Variants in TNFAIP8 observed in about 807,000 individuals in gnomAD.
TNFAIP8 encodes tumor necrosis factor alpha-induced protein 8.
A neutral mutation model predicts 13.3 loss-of-function variants in TNFAIP8; 7 were observed. The observed-to-expected ratio is 0.52, with a 90% confidence interval of 0.30 to 0.99. The LOEUF (loss-of-function observed/expected upper bound fraction) is 0.99. TNFAIP8 is among the 50% of genes least tolerant of loss of function. The pLI is 0.07. For synonymous variants in TNFAIP8, 94 were observed against 87.6 expected, an observed-to-expected ratio of 1.07 and a Z score of -0.41; for missense variants, 258 against 236.9, an observed-to-expected ratio of 1.09 and a Z score of -0.58.
intron 1 of TNFAIP8, among the ~76,000 whole-genome samples, chr5:119,322,364 G>A (rs906586222): frequency 1.2e-4 from 18 of 152,206 alleles, no homozygotes; most frequent in African/African-American, 4.1e-4. Context: ...CAGGACCTTG[G>A]CCCCTTTTCC....
At chr5:119,329,400 A>C (rs896054617) in intron 1 of TNFAIP8, among the ~76,000 whole-genome samples, 1 of 152,168 alleles carries the variant, frequency 6.6e-6, no homozygotes. Context: ...GTGATGACAG[A>C]CCTGAGCAGT....
intron 1 of TNFAIP8, among the ~76,000 whole-genome samples, chr5:119,328,886 C>T (rs1295262935): frequency 6.6e-6 from 1 of 152,164 alleles, no homozygotes; most frequent in Non-Finnish European, 1.5e-5. Context: ...AATGTCAGGC[C>T]TCTGTTTATA....
intron 1 of TNFAIP8, among the ~76,000 whole-genome samples, chr5:119,339,345 A>G (rs781266526): frequency 6.6e-6 from 1 of 151,344 alleles, no homozygotes; most frequent in Non-Finnish European, 1.5e-5. Context: ...GCAAGGGGGT[A>G]TGGGATTTCT....
intron 1 of TNFAIP8, among the ~76,000 whole-genome samples, chr5:119,274,698 C>T (rs534411115): frequency 7.9e-5 from 12 of 152,348 alleles, no homozygotes; most frequent in Admixed American, 6.5e-4. Flanking sequence ...CAAGGATTCC[C>T]TGCCCTGTGT....
chr5:119,341,581 T>C lies in TNFAIP8; in HGVS notation c.2-51235T>C, dbSNP rs188179522. ...TGTGAGCCTTTTATAGTTTCATTTA[T>C]ATACTTGATTTCAGCTTTTGCCTTA... On this transcript the variant is annotated intron_variant, in intron 1 of 1. Transcript: ENST00000274456. 1.6e-4 allele frequency among the ~76,000 whole-genome samples: 25 copies of C among 152,364 alleles called. 1 individual carries two copies. The highest frequency in any genetic ancestry group is 1.4e-3 in the Admixed American group (22 of 15,312).
At chr5:119,361,062 G>T (rs1311197788) in intron 1 of TNFAIP8, among the ~76,000 whole-genome samples, 1 of 152,174 alleles carries the variant, frequency 6.6e-6, no homozygotes, top group Non-Finnish European at 1.5e-5. Flanking sequence ...TGGGGAGAAG[G>T]TATGTATGTG....
At chr5:119,295,221 C>CCA (rs1561987419) in intron 1 of TNFAIP8, among the ~76,000 whole-genome samples, 9 of 48,726 alleles carry the variant, frequency 1.8e-4, no homozygotes, top group African/African-American at 1.4e-3. Flanking sequence ...AACGTTTAGT[C>CCA]TAACGTTAGA....
At chr5:119,297,710 A>T (rs1422185802) in intron 1 of TNFAIP8, among the ~76,000 whole-genome samples, 1 of 152,172 alleles carries the variant, frequency 6.6e-6, no homozygotes, top group Non-Finnish European at 1.5e-5. Flanking sequence ...GTTGGGTGTT[A>T]AAGTCTCCCA....
At chr5:119,384,373 C>T (rs558254281) in intron 1 of TNFAIP8, among the ~76,000 whole-genome samples, 2 of 152,184 alleles carry the variant, frequency 1.3e-5, no homozygotes, top group East Asian at 3.9e-4. Context: ...TAATCAGCTA[C>T]TTGGGAGACT....
At chr5:119,279,954 C>G (rs923929771) in intron 1 of TNFAIP8, among the ~76,000 whole-genome samples, 2 of 152,322 alleles carry the variant, frequency 1.3e-5, no homozygotes, top group East Asian at 1.9e-4. Flanking sequence ...GGTCCCTACA[C>G]TTTTCCACCT....
chr5:119,397,039 C>A lies in TNFAIP8; in HGVS notation c.*3658C>A, dbSNP rs952883810. 2 of 145,944 alleles carry A rather than the reference C, an allele frequency of 1.4e-5. No individual in the cohort carries two copies. The allele number at this position is 145,944 out of a possible 1,614,324, so 9.0% of individuals were successfully genotyped here. A position where few individuals can be genotyped will look rare whatever the true frequency, so the allele number is the denominator to read the frequency against. ...AAAAGCATGAGTTAAGAACTTTGAT[C>A]GTACAGAAATATTGCGTTTTAAACT... is the stretch of plus-strand genomic sequence containing the variant. On this transcript the variant is annotated 3_prime_UTR_variant, in exon 2 of 2. Coordinates refer to ENST00000504771, the MANE Select transcript of TNFAIP8 (RefSeq NM_014350.4).
intron 1 of TNFAIP8, among the ~76,000 whole-genome samples, chr5:119,310,077 T>C (rs1749683811): frequency 6.6e-6 from 1 of 152,228 alleles, no homozygotes; most frequent in Non-Finnish European, 1.5e-5. Flanking sequence ...CATCTTTGAT[T>C]TCTTTTATGG....
chr5:119,281,633 C>T (rs1009075074), intron 1 of TNFAIP8, among the ~76,000 whole-genome samples: 1 of 152,202 alleles, frequency 6.6e-6, no homozygotes, highest in Non-Finnish European at 1.5e-5. Context: ...CATACTAATT[C>T]TTTCCCACCT....
chr5:119,352,420 T>A (rs6874848), upstream of TNFAIP8, among the ~76,000 whole-genome samples: 115,269 of 152,060 alleles, frequency 0.76, 44,665 homozygotes, highest in African/African-American at 0.93. Context: ...CCTCAGCAGG[T>A]TAGAAAAAAA....
intron 1 of TNFAIP8, among the ~76,000 whole-genome samples, chr5:119,308,154 A>G (rs1347019595): frequency 1.3e-5 from 2 of 152,206 alleles, no homozygotes; most frequent in African/African-American, 4.8e-5. Context: ...AAATAATATT[A>G]TTAGATAAAT....
intron 1 of TNFAIP8, among the ~76,000 whole-genome samples, chr5:119,356,898 G>A (rs1401711968): frequency 2.6e-5 from 4 of 152,122 alleles, no homozygotes; most frequent in Non-Finnish European, 5.9e-5. Context: ...AAGTTCTCTT[G>A]TAAGTGGGGG....
intron 1 of TNFAIP8, chr5:119,391,267 A>T: frequency 1.6e-6 from 1 of 633,520 alleles, no homozygotes; most frequent in South Asian, 1.7e-5. Context: ...AACTAGAAAT[A>T]ATCTTATATA....
intron 1 of TNFAIP8, among the ~76,000 whole-genome samples, chr5:119,297,051 A>G (rs1186433396): frequency 1.3e-5 from 2 of 151,918 alleles, no homozygotes; most frequent in African/African-American, 2.4e-5. Context: ...CAGTCTATCA[A>G]TTTTGTTGAT....
At chr5:119,334,853 A>T (rs1226280043) in intron 1 of TNFAIP8, among the ~76,000 whole-genome samples, 1 of 151,780 alleles carries the variant, frequency 6.6e-6, no homozygotes, top group East Asian at 1.9e-4. Context: ...GCTTGGGAGG[A>T]TTTTGTGGAA....
Sources: gnomAD v4.1 joint callset for allele counts (sites outside exome capture counted in the v4.1 genomes callset) on GRCh38, gnomAD v4.1.1 for gene constraint, MANE v1.5 for transcripts, NCBI Gene and HGNC (gene_info 2026-07-23, HGNC 2026-07-21) for gene names.